The following PLTP variants were observed in gnomAD, a reference collection of about 807,000 sequenced individuals.
The protein encoded by PLTP is BPI fold containing family E.
A neutral mutation model predicts 54.1 loss-of-function variants in PLTP; 43 were observed. The ratio of observed to expected loss-of-function variants is 0.79; its 90% CI spans 0.62 to 1.02. The LOEUF is 1.02. Among genes scored for constraint, PLTP ranks in the 50% least tolerant of loss-of-function variants. The pLI is 0.00. For missense variants in PLTP, 604 were observed against 645.9 expected, an observed-to-expected ratio of 0.94 and a Z score of 0.70; for synonymous variants, 263 against 264.6, an observed-to-expected ratio of 0.99 and a Z score of 0.06.
At chr20:45,907,651 C>T in intron 7 of PLTP, 41 bp downstream of exon 7, 1 of 1,585,606 alleles carries the variant, frequency 6.3e-7, no homozygotes, top group Non-Finnish European at 8.6e-7. Context: ...TGAGGTGCTG[C>T]ATGACAGCTG....
chr20:45,903,306 C>A (rs1323877300), intron 10 of PLTP, among the ~76,000 whole-genome samples: 1 of 152,222 alleles, frequency 6.6e-6, no homozygotes, highest in African/African-American at 2.4e-5. Flanking sequence ...CTCAAATTAT[C>A]CTGCCACATC....
At chr20:45,899,812 G>GGGGGCCCCCCCCC in intron 13 of PLTP, 24 bp downstream of exon 13, 2 of 309,346 alleles carry the variant, frequency 6.5e-6, no homozygotes, top group Non-Finnish European at 1.2e-5. Flanking sequence ...ACCCAGCCCA[G>GGGGGCCCCCCCCC]CCCACCCACC....
chr20:45,910,917 C>T lies in PLTP; in HGVS notation c.200+235G>A, dbSNP rs2083283701. 10 of 1,414,192 alleles carry T rather than the reference C, an allele frequency of 7.1e-6. No individual in the cohort carries two copies. The South Asian group carries it at 1.5e-4, about 21-fold the overall frequency. The allele number at this position is 1,414,192 out of a possible 1,614,324, so 87.6% of individuals were successfully genotyped here. A position where few individuals can be genotyped will look rare whatever the true frequency, so the allele number is the denominator to read the frequency against. On this transcript the variant is annotated intron_variant, in intron 3 of 15. Coordinates refer to ENST00000372431, the MANE Select transcript of PLTP (RefSeq NM_006227.4). ...CGCCTCACATCCACTGGTCCTGCTTCCTTCTTGGCCCCCTCTACATTTTCA... is the reference window on the plus strand; with the variant it reads ...CGCCTCACATCCACTGGTCCTGCTTTCTTCTTGGCCCCCTCTACATTTTCA...
At position 45,907,136 on chromosome 20, in the gene PLTP, G is replaced by A. The variant is rs796850881; in HGVS notation, c.613+556C>T. Among the ~76,000 whole-genome samples, 13 of 134,388 alleles carry A rather than the reference G, an allele frequency of 9.7e-5. 2 individuals carry two copies. The highest frequency in any genetic ancestry group is 1.8e-4 in the African/African-American group (7 of 39,746). 88.2% of individuals were successfully genotyped at this position (134,388 alleles called of 152,430 possible). On this transcript the variant is annotated intron_variant, in intron 7 of 15. Transcript: ENST00000372431. ...GAGGTCAGGAGATCGAGACCATCCC[G>A]GCCAACATGGTGAAACCCCGTCTCT...
chr20:45,904,673 G>T, intron 10 of PLTP, 127 bp downstream of exon 10: 1 of 853,974 alleles, frequency 1.2e-6, no homozygotes. Context: ...GACAAGGCGA[G>T]GGGGATTGGC....
At chr20:45,904,916 C>T in intron 9 of PLTP, 26 bp downstream of exon 9, 3 of 1,614,190 alleles carry the variant, frequency 1.9e-6, no homozygotes, top group Middle Eastern at 1.6e-4. Flanking sequence ...TTCTCTTGCC[C>T]ATCCCACAAA....
At chr20:45,899,600 C>CA (rs2083157346) in intron 14 of PLTP, 22 bp downstream of exon 14, 1 of 1,614,010 alleles carries the variant, frequency 6.2e-7, no homozygotes, top group Non-Finnish European at 8.5e-7. Flanking sequence ...TTTCTTCCTC[C>CA]ATCCTCACAC....
chr20:45,907,744 G>A lies in PLTP; in HGVS notation c.561C>T (p.Val187=), dbSNP rs2229452. Reference sequence around the variant, plus strand: ...GCAGGACCGTCCCTGCGTGGTAGAGGACAGGGCAGATCTGCGAGGTGGGAG... The same window carrying A: ...GCAGGACCGTCCCTGCGTGGTAGAGAACAGGGCAGATCTGCGAGGTGGGAG... ...RFLLNQQICP[V]LYHAGTVLLN... The change falls in exon 7 of 16, where the codon GTC becomes GTT. Residue 187 remains valine, a synonymous_variant. Transcript: ENST00000372431. 1,292 of 1,613,762 alleles carry A rather than the reference G, an allele frequency of 8.0e-4. 14 individuals are homozygous for A. In the African/African-American group the frequency reaches 0.016, roughly 19 times the overall value.
chr20:45,900,641 C>T (rs927881308), intron 12 of PLTP, among the ~76,000 whole-genome samples: 6 of 152,064 alleles, frequency 3.9e-5, no homozygotes, highest in African/African-American at 1.4e-4. Context: ...CAGCCTCCCA[C>T]CTCAGGCTTC....
At chr20:45,899,738 T>C in intron 13 of PLTP, 53 bp from the exon 14 acceptor site, 1 of 1,611,296 alleles carries the variant, frequency 6.2e-7, no homozygotes. Flanking sequence ...GGGTTTGCCT[T>C]TAGCTGCCCG....
intron 12 of PLTP, among the ~76,000 whole-genome samples, chr20:45,900,096 C>CTTTT (rs1285621405): frequency 7.0e-6 from 1 of 141,952 alleles, no homozygotes. Flanking sequence ...TATTGAGCAC[C>CTTTT]TCTTTTTTTT....
In PLTP at chr20:45,905,121, G is replaced by A. The variant is rs2083227769; in HGVS notation, c.706-3C>T. The A allele has an allele frequency of 1.2e-6, 2 of 1,613,650 alleles. No individual in the cohort carries two copies. Among genetic ancestry groups the A allele is most frequent in the Non-Finnish European group, 1.7e-6 (2 of 1,179,840 alleles). ...TCAGTCAGGGGGAAGAAGGCCCCCT[G>A]GGGTGGGGCATTCACAGTCAGGGTC... On this transcript the variant is annotated splice_polypyrimidine_tract_variant and splice_region_variant and intron_variant, in intron 8 of 15. Transcript: ENST00000372431.
chr20:45,899,264 C>G (rs1568769365), intron 15 of PLTP, among the ~76,000 whole-genome samples, 198 bp downstream of exon 15: 1 of 152,102 alleles, frequency 6.6e-6, no homozygotes, highest in Non-Finnish European at 1.5e-5. Flanking sequence ...GAGCTAAGAC[C>G]TGAACAATTA....
intron 5 of PLTP, among the ~76,000 whole-genome samples, chr20:45,908,461 C>G (rs2083260763): frequency 6.6e-6 from 1 of 152,096 alleles, no homozygotes; most frequent in Admixed American, 6.6e-5. Context: ...TTCTCTCCCC[C>G]ATCCTCTTCC....
chr20:45,901,995 A>G (rs1736493), intron 12 of PLTP, among the ~76,000 whole-genome samples: 13,958 of 152,222 alleles, frequency 0.092, 958 homozygotes, highest in East Asian at 0.26. Context: ...GTCAAAACCC[A>G]TGTTCTGATC....
intron 12 of PLTP, 61 bp downstream of exon 12, chr20:45,902,206 C>T: frequency 6.5e-7 from 1 of 1,550,102 alleles, no homozygotes; most frequent in Non-Finnish European, 8.9e-7. Flanking sequence ...AGCGCAACAT[C>T]CCTGTGGACA....
intron 2 of PLTP, 22 bp from the exon 3 acceptor site, chr20:45,911,273 T>C: frequency 6.2e-7 from 1 of 1,613,774 alleles, no homozygotes; most frequent in Non-Finnish European, 8.5e-7. Context: ...GAGAAACCCT[T>C]ACTTAGCTCC....
chr20:45,909,921 C>T (rs909430193), intron 4 of PLTP, 21 bp downstream of exon 4: 1 of 1,613,834 alleles, frequency 6.2e-7, no homozygotes, highest in Non-Finnish European at 8.5e-7. Flanking sequence ...CTCCACTCCC[C>T]TGAGGGTGCT....
Position 45,902,531 on chromosome 20 carries a change from G to A in PLTP, c.1016C>T (p.Pro339Leu), listed in dbSNP as rs577684935. Residue 339 changes from proline to leucine, a missense_variant, in exon 11 of 16, where the codon CCC becomes CTC. Transcript: ENST00000372431. Reference protein sequence around the residue: ...VLAPPRCTIKPSGTTISVTAS... With the variant: ...VLAPPRCTIKLSGTTISVTAS... ...AGTGACAGAGATGGTGGTGCCAGAG[G>A]GCTTGATGGTGCAGCGCGGTGGGGC... 2.0e-5 allele frequency: 33 copies of A among 1,614,022 alleles called. 1 individual carries two copies. The South Asian group carries it at 3.3e-4, about 16-fold the overall frequency.
Sources: allele counts gnomAD v4.1 joint callset (sites outside exome capture counted in the v4.1 genomes callset), GRCh38; gene constraint gnomAD v4.1.1; transcripts MANE v1.5; gene names NCBI Gene and HGNC (gene_info 2026-07-23, HGNC 2026-07-21).